The following FRMD5 variants were observed in gnomAD, a reference collection of about 807,000 sequenced individuals.
The protein encoded by FRMD5 is FERM domain-containing protein 5.
FRMD5 carries 20 observed loss-of-function variants against 69.0 expected under a neutral mutation model. The observed-to-expected ratio is 0.29, with a 90% CI of 0.20 to 0.42. FRMD5 has a LOEUF of 0.42. Ranked by LOEUF, FRMD5 falls within the 10% of genes least tolerant of loss-of-function variation. FRMD5 has a pLI of 1.00. For synonymous variants in FRMD5, 271 were observed against 260.1 expected, an observed-to-expected ratio of 1.04 and a Z score of -0.40; for missense variants, 595 against 708.6, an observed-to-expected ratio of 0.84 and a Z score of 1.82.
chr15:44,183,252 G>C (rs931114217), intron 1 of FRMD5, among the ~76,000 whole-genome samples: 3 of 152,248 alleles, frequency 2.0e-5, no homozygotes, highest in African/African-American at 4.8e-5. Context: ...TGCTGGAAAG[G>C]GGGGTAGCAG....
intron 1 of FRMD5, among the ~76,000 whole-genome samples, chr15:44,095,602 T>C (rs1364838139): frequency 6.6e-6 from 1 of 152,168 alleles, no homozygotes; most frequent in Non-Finnish European, 1.5e-5. Context: ...GGAGCTCTGA[T>C]TCACCTGTGC....
At chr15:44,087,730 C>T (rs962536439) in intron 1 of FRMD5, among the ~76,000 whole-genome samples, 2 of 123,284 alleles carry the variant, frequency 1.6e-5, no homozygotes, top group African/African-American at 5.9e-5. Context: ...CAGTAAATAT[C>T]AGCTGCTATC....
chr15:43,971,653 A>G (rs2090381016), intron 1 of FRMD5, among the ~76,000 whole-genome samples: 1 of 151,042 alleles, frequency 6.6e-6, no homozygotes. Context: ...AAGAGTTTCT[A>G]TGCAATAGGG....
At chr15:44,082,052 A>G (rs1182049860) in intron 1 of FRMD5, among the ~76,000 whole-genome samples, 1 of 152,052 alleles carries the variant, frequency 6.6e-6, no homozygotes, top group African/African-American at 2.4e-5. Context: ...GGGACAGTAG[A>G]ACAATTTATT....
At chr15:44,152,502 A>C (rs2077462483) in intron 1 of FRMD5, among the ~76,000 whole-genome samples, 1 of 152,226 alleles carries the variant, frequency 6.6e-6, no homozygotes, top group South Asian at 2.1e-4. Context: ...TTGCAGAATA[A>C]GCGTATGTTT....
chr15:43,943,053 C>T (rs1206158559), intron 1 of FRMD5, among the ~76,000 whole-genome samples: 2 of 152,120 alleles, frequency 1.3e-5, no homozygotes, highest in African/African-American at 4.8e-5. Flanking sequence ...ACCAGCCTGA[C>T]CAACATGAAG....
At chr15:43,907,650 G>GCTTCCAAGTA (rs1213195782) in intron 5 of FRMD5, among the ~76,000 whole-genome samples, 2 of 151,990 alleles carry the variant, frequency 1.3e-5, no homozygotes, top group Non-Finnish European at 2.9e-5. Context: ...TGGGACTACA[G>GCTTCCAAGTA]GCATGTGCCA....
intron 1 of FRMD5, among the ~76,000 whole-genome samples, chr15:44,123,559 T>C (rs1311621448): frequency 1.3e-5 from 2 of 152,170 alleles, no homozygotes; most frequent in Non-Finnish European, 2.9e-5. Flanking sequence ...CATATACCTA[T>C]GTATCTGTAG....
intron 6 of FRMD5, 139 bp from the exon 7 acceptor site, chr15:43,902,401 A>G: frequency 1.5e-6 from 1 of 685,806 alleles, no homozygotes; most frequent in Non-Finnish European, 2.6e-6. Flanking sequence ...TGGTTCTAGG[A>G]CCAACTTCGA....
At chr15:43,892,913 G>A (rs1421601419) in intron 7 of FRMD5, among the ~76,000 whole-genome samples, 1 of 152,144 alleles carries the variant, frequency 6.6e-6, no homozygotes, top group Non-Finnish European at 1.5e-5. Context: ...AGACCAGCCT[G>A]GCCAACATGG....
intron 1 of FRMD5, among the ~76,000 whole-genome samples, chr15:44,184,274 T>C (rs555581142): frequency 6.6e-6 from 1 of 152,278 alleles, no homozygotes; most frequent in East Asian, 1.9e-4. Context: ...TCACATTGGG[T>C]CTATTAATCC....
intron 1 of FRMD5, among the ~76,000 whole-genome samples, chr15:44,074,146 T>C (rs1336035840): frequency 6.6e-6 from 1 of 152,236 alleles, no homozygotes; most frequent in Non-Finnish European, 1.5e-5. Flanking sequence ...TTACCATGTT[T>C]ATCTATAAAA....
chr15:44,052,920 G>C (rs1021610367), intron 1 of FRMD5, among the ~76,000 whole-genome samples: 1 of 152,170 alleles, frequency 6.6e-6, no homozygotes, highest in Admixed American at 6.5e-5. Flanking sequence ...CACACTCCCT[G>C]TCATGAGGGA....
chr15:44,090,363 A>G (rs2076453532), intron 1 of FRMD5, among the ~76,000 whole-genome samples: 2 of 152,154 alleles, frequency 1.3e-5, no homozygotes, highest in African/African-American at 4.8e-5. Context: ...ATTTAGCCAC[A>G]ATAGCTAGCT....
chr15:44,173,368 A>G (rs781663747), intron 1 of FRMD5, among the ~76,000 whole-genome samples: 8 of 152,198 alleles, frequency 5.3e-5, no homozygotes, highest in Non-Finnish European at 8.8e-5. Flanking sequence ...TTCTCCTAAT[A>G]GACAAAAGTG....
upstream of FRMD5, among the ~76,000 whole-genome samples, chr15:44,198,915 C>T (rs2078325636): frequency 6.6e-6 from 1 of 152,300 alleles, no homozygotes; most frequent in East Asian, 1.9e-4. Context: ...TGAACCCCCA[C>T]CTTCCAAATT....
intron 1 of FRMD5, among the ~76,000 whole-genome samples, chr15:43,996,960 A>G (rs1889961299): frequency 6.6e-6 from 1 of 152,176 alleles, no homozygotes; most frequent in Non-Finnish European, 1.5e-5. Flanking sequence ...CTTTTAAAAA[A>G]ATGATACATG....
intron 1 of FRMD5, among the ~76,000 whole-genome samples, chr15:44,176,552 T>C (rs1457650497): frequency 6.6e-6 from 1 of 152,142 alleles, no homozygotes; most frequent in East Asian, 1.9e-4. Flanking sequence ...AAAATTAAAA[T>C]CTTTTGTGCT....
At chr15:43,915,796 C>G (rs1041240015) in intron 4 of FRMD5, among the ~76,000 whole-genome samples, 1 of 152,176 alleles carries the variant, frequency 6.6e-6, no homozygotes, top group Non-Finnish European at 1.5e-5. Flanking sequence ...ATGGGAATGG[C>G]TGAGACAGCA....
Sources: gnomAD v4.1 joint callset for allele counts (sites outside exome capture counted in the v4.1 genomes callset) on GRCh38, gnomAD v4.1.1 for gene constraint, MANE v1.5 for transcripts, NCBI Gene and HGNC (gene_info 2026-07-23, HGNC 2026-07-21) for gene names.